CALN1: variants seen among roughly 807,000 people sequenced by gnomAD.
CALN1 encodes the protein calcium-binding protein 8.
Under a neutral mutation model 30.6 loss-of-function variants are expected in CALN1, and 17 were observed. That is an observed-to-expected ratio of 0.56 (90% CI 0.38 to 0.83). The LOEUF (loss-of-function observed/expected upper bound fraction) is 0.83, where lower values mean the gene tolerates loss of function less well. Ranked by LOEUF, CALN1 falls within the 40% of genes least tolerant of loss-of-function variation. The pLI is 0.00. For synonymous variants in CALN1, 156 were observed against 131.4 expected, an observed-to-expected ratio of 1.19 and a Z score of -1.28; for missense variants, 291 against 354.9, an observed-to-expected ratio of 0.82 and a Z score of 1.45.
intron 3 of CALN1, among the ~76,000 whole-genome samples, chr7:72,208,857 T>TGG (rs1792093501): frequency 6.6e-6 from 1 of 152,156 alleles, no homozygotes; most frequent in South Asian, 2.1e-4. Flanking sequence ...GTAAAGGTAG[T>TGG]GGCTGCTCTC....
chr7:71,859,059 G>A (rs866317208), intron 5 of CALN1, among the ~76,000 whole-genome samples: 1 of 151,926 alleles, frequency 6.6e-6, no homozygotes, highest in African/African-American at 2.4e-5. Flanking sequence ...TTCTTTTTTT[G>A]TATGTTTGTT....
At chr7:72,189,346 C>A (rs1790440727) in intron 3 of CALN1, among the ~76,000 whole-genome samples, 1 of 152,146 alleles carries the variant, frequency 6.6e-6, no homozygotes. Flanking sequence ...CCTACTTTTA[C>A]AGAAAAGAAT....
At chr7:72,111,771 G>T (rs1457280245) in intron 3 of CALN1, among the ~76,000 whole-genome samples, 1 of 149,678 alleles carries the variant, frequency 6.7e-6, no homozygotes. Context: ...TTTTGTTGGA[G>T]ATGGCGTCTC....
intron 3 of CALN1, among the ~76,000 whole-genome samples, chr7:72,181,766 C>A (rs1789826818): frequency 6.6e-6 from 1 of 152,294 alleles, no homozygotes; most frequent in Admixed American, 6.5e-5. Flanking sequence ...TGAGCCACCA[C>A]ACCCAGCCGA....
At chr7:72,406,615 C>CTTTTTTTT (rs1189744119) in intron 1 of CALN1, among the ~76,000 whole-genome samples, 2 of 102,202 alleles carry the variant, frequency 2.0e-5, no homozygotes, top group African/African-American at 5.4e-5. Flanking sequence ...TCCTTGTCAG[C>CTTTTTTTT]TTTTTTTTTT....
At chr7:72,205,839 CAATT>C (rs1412005241) in intron 3 of CALN1, among the ~76,000 whole-genome samples, 4 of 151,886 alleles carry the variant, frequency 2.6e-5, no homozygotes, top group South Asian at 2.1e-4. Context: ...AATCCAAATT[CAATT>C]AATTGTATGC....
intron 5 of CALN1, among the ~76,000 whole-genome samples, chr7:71,976,274 A>G (rs1376002557): frequency 6.6e-6 from 1 of 152,178 alleles, no homozygotes; most frequent in African/African-American, 2.4e-5. Context: ...AACATCCCCA[A>G]GCAGGGTGGA....
chr7:72,199,534 A>C (rs544397826), intron 3 of CALN1, among the ~76,000 whole-genome samples: 6 of 152,294 alleles, frequency 3.9e-5, no homozygotes, highest in African/African-American at 1.4e-4. Context: ...AGCTTGGGCA[A>C]CATAGTGAGA....
chr7:72,112,085 C>T (rs1180275947), intron 3 of CALN1, among the ~76,000 whole-genome samples: 1 of 152,100 alleles, frequency 6.6e-6, no homozygotes, highest in East Asian at 1.9e-4. Context: ...GCATTGGGAC[C>T]TAGTGCCCTC....
chr7:71,868,943 C>A (rs910735391), intron 5 of CALN1, among the ~76,000 whole-genome samples: 2 of 152,080 alleles, frequency 1.3e-5, no homozygotes, highest in African/African-American at 4.8e-5. Flanking sequence ...GGAAGGAGAC[C>A]AGGAGAGGCT....
intron 2 of CALN1, among the ~76,000 whole-genome samples, chr7:72,293,799 G>C (rs1476305340): frequency 2.0e-5 from 3 of 152,120 alleles, no homozygotes; most frequent in Non-Finnish European, 1.5e-5. Context: ...CATTCAGGTA[G>C]AAAATACAGT....
At chr7:72,129,538 T>C (rs1808996223) in intron 3 of CALN1, among the ~76,000 whole-genome samples, 1 of 152,162 alleles carries the variant, frequency 6.6e-6, no homozygotes, top group Non-Finnish European at 1.5e-5. Context: ...GTGATATTGG[T>C]TCTGTGGGGT....
intron 2 of CALN1, among the ~76,000 whole-genome samples, chr7:72,399,677 C>G (rs1398193152): frequency 6.6e-6 from 1 of 152,160 alleles, no homozygotes; most frequent in Non-Finnish European, 1.5e-5. Flanking sequence ...ACTTTCCCAG[C>G]ACTTCATGGA....
At chr7:72,278,402 G>A (rs527241550) in intron 3 of CALN1, among the ~76,000 whole-genome samples, 1 of 151,514 alleles carries the variant, frequency 6.6e-6, no homozygotes, top group African/African-American at 2.4e-5. Context: ...GAGAGGTGAA[G>A]GCTATCCCCC....
At chr7:72,359,568 C>T (rs549642003) in intron 2 of CALN1, among the ~76,000 whole-genome samples, 53 of 152,242 alleles carry the variant, frequency 3.5e-4, no homozygotes, top group African/African-American at 1.2e-3. Context: ...TGGTATGACA[C>T]AGTGAAGATA....
intron 2 of CALN1, among the ~76,000 whole-genome samples, chr7:72,323,535 C>T (rs1395937583): frequency 6.6e-6 from 1 of 151,896 alleles, no homozygotes; most frequent in African/African-American, 2.4e-5. Flanking sequence ...TGCTGGCATG[C>T]ACCTGTAATC....
At chr7:72,051,942 C>A (rs922403165) in intron 4 of CALN1, among the ~76,000 whole-genome samples, 1 of 152,142 alleles carries the variant, frequency 6.6e-6, no homozygotes, top group Non-Finnish European at 1.5e-5. Flanking sequence ...TTCTCCTACA[C>A]CAGAGGAATT....
intron 5 of CALN1, among the ~76,000 whole-genome samples, chr7:71,973,278 C>T (rs1485397406): frequency 2.6e-5 from 4 of 152,004 alleles, no homozygotes; most frequent in Admixed American, 2.6e-4. Flanking sequence ...CGGGTTCAAG[C>T]GATTCTCCTG....
chr7:72,495,693 T>C, the CALN1 span, among the ~76,000 whole-genome samples: 1 of 152,128 alleles, frequency 6.6e-6, no homozygotes, highest in Admixed American at 6.5e-5. Context: ...GGACAAACGG[T>C]GGGCTATAAA....
Sources: gnomAD v4.1 joint callset for allele counts (sites outside exome capture counted in the v4.1 genomes callset) on GRCh38, gnomAD v4.1.1 for gene constraint, MANE v1.5 for transcripts, NCBI Gene and HGNC (gene_info 2026-07-23, HGNC 2026-07-21) for gene names.